Variants in TENT2 observed in about 807,000 individuals in gnomAD.
The protein encoded by TENT2 is poly(A) RNA polymerase GLD2.
TENT2 carries 44 observed loss-of-function variants against 72.2 expected under a neutral mutation model. The observed-to-expected ratio is 0.61, with a 90% confidence interval of 0.48 to 0.78. TENT2 has a LOEUF of 0.78. Among genes scored for constraint, TENT2 ranks in the 30% least tolerant of loss-of-function variants. TENT2 has a pLI of 0.00. For synonymous variants in TENT2, 212 were observed against 192.5 expected (o/e 1.10, Z -0.84); for missense variants, 541 against 569.6 (o/e 0.95, Z 0.51).
chr5:79,659,445 T>C (rs937920020), intron 11 of TENT2, among the ~76,000 whole-genome samples: 1 of 147,504 alleles, frequency 6.8e-6, no homozygotes, highest in Non-Finnish European at 1.5e-5. Flanking sequence ...AGGAGGAGAA[T>C]TGCTTGAACC....
intron 14 of TENT2, among the ~76,000 whole-genome samples, chr5:79,683,849 G>A (rs1161505006): frequency 5.6e-5 from 8 of 141,796 alleles, no homozygotes; most frequent in East Asian, 2.1e-4. Flanking sequence ...GCGTGAACCC[G>A]GGAGGCGGAG....
At chr5:79,622,134 C>T (rs1013901357) in intron 3 of TENT2, among the ~76,000 whole-genome samples, 4 of 152,000 alleles carry the variant, frequency 2.6e-5, no homozygotes, top group African/African-American at 4.8e-5. Context: ...AACCCCATCT[C>T]GACTAAAAAC....
chr5:79,633,600 G>C (rs1207033631), intron 4 of TENT2, among the ~76,000 whole-genome samples: 1 of 151,448 alleles, frequency 6.6e-6, no homozygotes, highest in African/African-American at 2.4e-5. Flanking sequence ...GTTTTTAGTA[G>C]AGACGGGGTT....
chr5:79,675,451 G>A (rs1580652212), intron 12 of TENT2, among the ~76,000 whole-genome samples: 2 of 152,284 alleles, frequency 1.3e-5, no homozygotes, highest in East Asian at 3.9e-4. Flanking sequence ...TAAGACGAAA[G>A]TATGAATTGT....
intron 13 of TENT2, among the ~76,000 whole-genome samples, chr5:79,680,717 C>T (rs1292075613): frequency 6.6e-6 from 1 of 152,184 alleles, no homozygotes; most frequent in Non-Finnish European, 1.5e-5. Context: ...TCGCTTTCAG[C>T]TTTAAGACAT....
At chr5:79,680,632 C>G (rs976860853) in intron 13 of TENT2, among the ~76,000 whole-genome samples, 1 of 152,156 alleles carries the variant, frequency 6.6e-6, no homozygotes, top group Non-Finnish European at 1.5e-5. Flanking sequence ...CCTATTCTTC[C>G]GTACTTTTTC....
At chr5:79,624,443 C>T (rs1767699723) in intron 4 of TENT2, among the ~76,000 whole-genome samples, 2 of 152,052 alleles carry the variant, frequency 1.3e-5, no homozygotes. Flanking sequence ...TATAATTGTA[C>T]CATAAAATTC....
intron 4 of TENT2, among the ~76,000 whole-genome samples, chr5:79,635,266 A>G (rs974683330): frequency 7.2e-5 from 11 of 152,120 alleles, no homozygotes; most frequent in Admixed American, 2.0e-4. Flanking sequence ...TGAACTCTCA[A>G]TGTTTGTTCT....
intron 11 of TENT2, among the ~76,000 whole-genome samples, chr5:79,659,593 T>A (rs1222936247): frequency 2.1e-4 from 26 of 121,846 alleles, no homozygotes; most frequent in African/African-American, 3.0e-4. Context: ...TATATATATA[T>A]AATAGCCATC....
chr5:79,653,274 C>G (rs549580741), intron 10 of TENT2, among the ~76,000 whole-genome samples: 1 of 151,940 alleles, frequency 6.6e-6, no homozygotes, highest in Non-Finnish European at 1.5e-5. Context: ...TGCTTGAGGC[C>G]AGGAGTTTGA....
chr5:79,668,874 C>T lies in TENT2; in HGVS notation c.1072-18C>T, dbSNP rs1810608931. 6.3e-7 allele frequency: 1 copy of T among 1,590,302 alleles called. No individual in the cohort carries two copies. Among genetic ancestry groups the T allele is most frequent in the Non-Finnish European group, 8.6e-7 (1 of 1,168,938 alleles). ...TTTTAAATGGCTTTACATTTTTTCCCCTTCTTCTTTTTGACAGGAGTCTTT... is the reference window on the plus strand; with the variant it reads ...TTTTAAATGGCTTTACATTTTTTCCTCTTCTTCTTTTTGACAGGAGTCTTT... On this transcript the variant is annotated intron_variant, in intron 11 of 14. Transcript: ENST00000453514.
chr5:79,660,268 G>C (rs56140682), intron 11 of TENT2, among the ~76,000 whole-genome samples: 30,770 of 151,950 alleles, frequency 0.2, 4,608 homozygotes, highest in African/African-American at 0.42. Flanking sequence ...TTGACTTAAC[G>C]TAGCTGATGG....
At chr5:79,641,024 C>CTTTTTTT (rs879363444) in intron 5 of TENT2, 59 bp downstream of exon 5, 9 of 1,140,232 alleles carry the variant, frequency 7.9e-6, no homozygotes, top group Non-Finnish European at 1.1e-5. Flanking sequence ...TAAATTTTAT[C>CTTTTTTT]TTTTTTTTTT....
At chr5:79,644,422 C>T (rs532930254) in intron 7 of TENT2, among the ~76,000 whole-genome samples, 1 of 152,248 alleles carries the variant, frequency 6.6e-6, no homozygotes, top group South Asian at 2.1e-4. Flanking sequence ...TTCATTTTTA[C>T]ACACTTCTGT....
In TENT2 at chr5:79,653,995, C is replaced by G. The variant is rs185243537; in HGVS notation, c.1028-2963C>G. Among the ~76,000 whole-genome samples, 1,067 of 152,230 alleles carry G rather than the reference C, an allele frequency of 7.0e-3. 3 individuals are homozygous for G. Among genetic ancestry groups the G allele is most frequent in the Non-Finnish European group, 0.013 (857 of 68,012 alleles). ...TAAGCAGAGAAAGGAAATAGGTCCT[C>G]TGTATGTAGAAAAGGTTAAAAAGAT... On this transcript the variant is annotated intron_variant, in intron 10 of 14. Transcript: ENST00000453514.
At position 79,683,682 on chromosome 5, in the gene TENT2, G is replaced by A. The variant is rs557581133; in HGVS notation, c.1381-1517G>A. On this transcript the variant is annotated intron_variant, in intron 14 of 14. Transcript: ENST00000453514. Reference sequence around the variant, plus strand: ...TGTAATCCCAGCACTTTGGGAGGCCGAGGCGGGCGGATCACGAGGTCAGGA... The same window carrying A: ...TGTAATCCCAGCACTTTGGGAGGCCAAGGCGGGCGGATCACGAGGTCAGGA... Among the ~76,000 whole-genome samples the A allele has an allele frequency of 1.1e-4, 16 of 151,946 alleles. No homozygotes were observed. The East Asian group carries it at 2.5e-3, about 24-fold the overall frequency.
intron 4 of TENT2, among the ~76,000 whole-genome samples, chr5:79,624,371 C>G (rs1767631958): frequency 6.6e-6 from 1 of 152,182 alleles, no homozygotes; most frequent in Admixed American, 6.5e-5. Context: ...TGCTTCATTC[C>G]TTAGTTGTGC....
chr5:79,626,627 T>TC, intron 4 of TENT2, among the ~76,000 whole-genome samples: 1 of 143,178 alleles, frequency 7.0e-6, no homozygotes, highest in East Asian at 2.0e-4. Context: ...TGTTTTTAAT[T>TC]TTTTTTTTTT....
chr5:79,623,237 A>T lies in TENT2; in HGVS notation c.228-15A>T, dbSNP rs183949861. On this transcript the variant is annotated splice_polypyrimidine_tract_variant and intron_variant, in intron 3 of 14. Transcript: ENST00000453514. The stretch of plus-strand genomic sequence containing the variant: ...GTTGTATCTTTAATTACTAAGGTAT[A>T]TTGCTTGTTTTCAGGAGATTAAGCG... 3.8e-6 allele frequency: 6 copies of T among 1,589,684 alleles called. No individual in the cohort carries two copies. The African/African-American group carries it at 8.1e-5, about 21-fold the overall frequency.
Sources: allele counts gnomAD v4.1 joint callset (sites outside exome capture counted in the v4.1 genomes callset), GRCh38; gene constraint gnomAD v4.1.1; transcripts MANE v1.5; gene names NCBI Gene and HGNC (gene_info 2026-07-23, HGNC 2026-07-21).